The following PCDHGB1 variants were observed in gnomAD, a reference collection of about 807,000 sequenced individuals.
The protein encoded by PCDHGB1 is protocadherin gamma-B1.
A neutral mutation model predicts 56.6 loss-of-function variants in PCDHGB1; 34 were observed. That is an observed-to-expected ratio of 0.60 (90% CI 0.46 to 0.80). The LOEUF is 0.80. PCDHGB1 is among the 30% of genes least tolerant of loss of function. The probability of loss-of-function intolerance (pLI) is 0.00; values close to 1 mark genes in which losing one functional copy is unlikely to be tolerated. For synonymous variants in PCDHGB1, 561 were observed against 505.9 expected (o/e 1.11, Z -1.46); for missense variants, 1,278 against 1,204.6 (o/e 1.06, Z -0.90).
intron 1 of PCDHGB1, chr5:141,420,276 T>C: frequency 6.6e-7 from 1 of 1,523,250 alleles, no homozygotes; most frequent in Non-Finnish European, 8.9e-7. Context: ...CTTAAACAGG[T>C]AAGTATTTAA....
At position 141,388,118 on chromosome 5, in the gene PCDHGB1, C is replaced by A. The variant is rs771996326; in HGVS notation, c.2409+35449C>A. The A allele has an allele frequency of 1.1e-5, 15 of 1,412,700 alleles. No homozygotes were observed. In the Admixed American group the frequency reaches 3.0e-4, roughly 28 times the overall value. The allele number at this position is 1,412,700 out of a possible 1,614,324, so 87.5% of individuals were successfully genotyped here. A position where few individuals can be genotyped will look rare whatever the true frequency, so the allele number is the denominator to read the frequency against. On this transcript the variant is annotated intron_variant, in intron 1 of 3. Coordinates refer to ENST00000523390, the MANE Select transcript of PCDHGB1 (RefSeq NM_018922.3). ...CGGAGAAGCCTTACTTCACCGTGAG[C>A]GCAGAGAGCGGGGAGTTGCTTGTGA...
At position 141,489,635 on chromosome 5, in the gene PCDHGB1, G is replaced by A. The variant is rs1380466520; in HGVS notation, c.2410-5172G>A. On this transcript the variant is annotated intron_variant, in intron 1 of 3. Coordinates refer to ENST00000523390, the MANE Select transcript of PCDHGB1 (RefSeq NM_018922.3). The surrounding 1 kb of genome is among the most constrained non-coding windows in gnomAD (Gnocchi z 4.5). Reference sequence around the variant, plus strand: ...CTGGATCTCAATGACAACTCTCCTAGCTTTGCCACCCCTGAGCGAGAGATG... The same window carrying A: ...CTGGATCTCAATGACAACTCTCCTAACTTTGCCACCCCTGAGCGAGAGATG... 6.2e-7 allele frequency: 1 copy of A among 1,614,142 alleles called. No individual in the cohort carries two copies. The highest frequency in any genetic ancestry group is 8.5e-7 in the Non-Finnish European group (1 of 1,180,012).
intron 1 of PCDHGB1, chr5:141,395,105 G>T: frequency 1.9e-6 from 3 of 1,614,220 alleles, no homozygotes; most frequent in Non-Finnish European, 2.5e-6. Context: ...CCGACTCGCG[G>T]AAGAGTCACC....
rs200411745 is a variant in PCDHGB1, at chr5:141,490,281, C to T, written c.2410-4526C>T. The T allele has an allele frequency of 1.2e-6, 2 of 1,614,070 alleles. No homozygotes were observed. The highest frequency in any genetic ancestry group is 1.3e-5 in the African/African-American group (1 of 74,924). On this transcript the variant is annotated intron_variant, in intron 1 of 3. Transcript: ENST00000523390. This position sits in a 1 kb window ranked among gnomAD's most constrained non-coding sequence, Gnocchi z 5.4. The stretch of plus-strand genomic sequence containing the variant: ...ATGTGGGGGATGTCAATGACAATGC[C>T]CCAGAGGTGCTATTGGCCTCTTTGG...
intron 2 of PCDHGB1, among the ~76,000 whole-genome samples, chr5:141,495,700 T>A (rs2099763052): frequency 6.6e-6 from 1 of 152,228 alleles, no homozygotes; most frequent in Non-Finnish European, 1.5e-5. Flanking sequence ...GCTCAATAAA[T>A]GTGGAGTGAG....
At chr5:141,361,313 T>G in intron 1 of PCDHGB1, 1 of 1,613,982 alleles carries the variant, frequency 6.2e-7, no homozygotes, top group Non-Finnish European at 8.5e-7. Context: ...GCCAAGTTTA[T>G]TTTGAAATCT....
At position 141,356,528 on chromosome 5, in the gene PCDHGB1, T is replaced by C. The variant is rs755912138; in HGVS notation, c.2409+3859T>C. On this transcript the variant is annotated intron_variant, in intron 1 of 3. Transcript: ENST00000523390. ...GAAACTCATATTTCACTGCAAGTGA[T>C]GGACATCAATGACAACCCACCCACT... is the stretch of plus-strand genomic sequence containing the variant. 7.4e-6 allele frequency: 12 copies of C among 1,613,866 alleles called. 1 individual carries two copies. In the Admixed American group the frequency reaches 1.8e-4, roughly 25 times the overall value.
chr5:141,388,397 A>C, intron 1 of PCDHGB1: 1 of 1,613,956 alleles, frequency 6.2e-7, no homozygotes, highest in Non-Finnish European at 8.5e-7. Context: ...AGAATTACCA[A>C]CTCAGTCCCA....
intron 1 of PCDHGB1, chr5:141,389,952 C>T (rs2091983675): frequency 3.1e-6 from 5 of 1,613,946 alleles, no homozygotes; most frequent in Non-Finnish European, 4.2e-6. Context: ...GCAGTTTTAC[C>T]TAGTGGTGGC....
Position 141,423,758 on chromosome 5 carries a change from GGGT to G in PCDHGB1, c.2410-71046_2410-71044del, listed in dbSNP as rs776356896. The G allele has an allele frequency of 7.0e-4, 256 of 366,834 alleles. 2 individuals are homozygous for G. The highest frequency in any genetic ancestry group is 6.8e-3 in the African/African-American group (232 of 34,230). The allele number at this position is 366,834 out of a possible 1,614,324, so 22.7% of individuals were successfully genotyped here. A position where few individuals can be genotyped will look rare whatever the true frequency, so the allele number is the denominator to read the frequency against. ...CTGTTATGAAAACTGTTTGGGGGGG[GGGT>G]GGGGCGGCATATATTTAGTTCATAT... On this transcript the variant is annotated intron_variant, in intron 1 of 3. Coordinates refer to ENST00000523390, the MANE Select transcript of PCDHGB1 (RefSeq NM_018922.3).
At chr5:141,381,826 CTT>C (rs770630741) in intron 1 of PCDHGB1, among the ~76,000 whole-genome samples, 2,382 of 74,222 alleles carry the variant, frequency 0.032, 21 homozygotes, top group African/African-American at 0.07. Context: ...CTTTCTTCTT[CTT>C]TTTTTTTTTT....
chr5:141,414,437 C>T (rs1422750138), intron 1 of PCDHGB1: 1 of 1,613,856 alleles, frequency 6.2e-7, no homozygotes, highest in Non-Finnish European at 8.5e-7. Flanking sequence ...CAGGTATCCT[C>T]TTACAATATC....
intron 1 of PCDHGB1, chr5:141,356,962 G>C: frequency 6.2e-7 from 1 of 1,614,224 alleles, no homozygotes; most frequent in Non-Finnish European, 8.5e-7. Context: ...CGGCTACCTG[G>C]TGACCAAAGT....
At chr5:141,501,570 G>C (rs1251110101) in intron 2 of PCDHGB1, among the ~76,000 whole-genome samples, 1 of 151,996 alleles carries the variant, frequency 6.6e-6, no homozygotes, top group African/African-American at 2.4e-5. Flanking sequence ...ATCATATTAG[G>C]CTGGCTTTCA....
rs116716465 is a variant in PCDHGB1, at chr5:141,484,286, C to T, written c.2410-10521C>T. ...GATTCTTTACTGTTTTGAAACATCTCCCTCTCCTGGCTTCCTCCACCCCGC... is the reference window on the plus strand; with the variant it reads ...GATTCTTTACTGTTTTGAAACATCTTCCTCTCCTGGCTTCCTCCACCCCGC... On this transcript the variant is annotated intron_variant, in intron 1 of 3. Coordinates refer to ENST00000523390, the MANE Select transcript of PCDHGB1 (RefSeq NM_018922.3). 8.3e-3 allele frequency among the ~76,000 whole-genome samples: 1,266 copies of T among 152,294 alleles called. 10 individuals carry two copies. The highest frequency in any genetic ancestry group is 0.014 in the Non-Finnish European group (936 of 68,022).
chr5:141,403,177 C>T, intron 1 of PCDHGB1: 3 of 1,614,008 alleles, frequency 1.9e-6, no homozygotes, highest in Non-Finnish European at 2.5e-6. Context: ...CGCAGCTTTT[C>T]TCTCTGAACC....
intron 1 of PCDHGB1, chr5:141,375,781 C>T (rs1381620623): frequency 6.2e-7 from 1 of 1,614,252 alleles, no homozygotes; most frequent in South Asian, 1.1e-5. Flanking sequence ...TGTACCCCGC[C>T]CTCCCCACAG....
Position 141,485,931 on chromosome 5 carries a change from A to C in PCDHGB1, c.2410-8876A>C, listed in dbSNP as rs761979804. 3 of 1,614,192 alleles carry C rather than the reference A, an allele frequency of 1.9e-6. No individual in the cohort carries two copies. In the South Asian group the frequency reaches 3.3e-5, roughly 18 times the overall value. On this transcript the variant is annotated intron_variant, in intron 1 of 3. Transcript: ENST00000523390. This position sits in a 1 kb window ranked among gnomAD's most constrained non-coding sequence, Gnocchi z 5.7. Reference sequence around the variant, plus strand: ...TCCAGCTACAGGATTAGTGTGTTGGAGAGCGCACCAGCGGGCATGGTGCTC... The same window carrying C: ...TCCAGCTACAGGATTAGTGTGTTGGCGAGCGCACCAGCGGGCATGGTGCTC...
Position 141,476,962 on chromosome 5 carries a change from C to T in PCDHGB1, c.2410-17845C>T. The stretch of plus-strand genomic sequence containing the variant: ...GCCCCAACGGTGAAATTATTTACTC[C>T]TTCGGCAGCCACAACCGCGCCGGCG... On this transcript the variant is annotated intron_variant, in intron 1 of 3. Coordinates refer to ENST00000523390, the MANE Select transcript of PCDHGB1 (RefSeq NM_018922.3). The surrounding 1 kb of genome is among the most constrained non-coding windows in gnomAD (Gnocchi z 7.6). 6.2e-7 allele frequency: 1 copy of T among 1,614,200 alleles called. No homozygotes were observed. Among genetic ancestry groups the T allele is most frequent in the South Asian group, 1.1e-5 (1 of 91,090 alleles).
Sources: gnomAD v4.1 joint callset for allele counts (sites outside exome capture counted in the v4.1 genomes callset) on GRCh38, gnomAD v4.1.1 for gene constraint, Gnocchi (gnomAD v3.1) non-coding constraint, MANE v1.5 for transcripts, NCBI Gene and HGNC (gene_info 2026-07-23, HGNC 2026-07-21) for gene names.